CEP83: variants seen among roughly 807,000 people sequenced by gnomAD.
CEP83 encodes the protein centrosomal protein 83.
In CEP83, 70 loss-of-function variants were observed where a neutral mutation model predicts 101.9. The observed-to-expected ratio is 0.69, with a 90% CI of 0.57 to 0.84. The LOEUF is 0.84. Ranked by LOEUF, CEP83 falls within the 40% of genes least tolerant of loss-of-function variation. The probability of loss-of-function intolerance (pLI) is 0.00; values close to 1 mark genes in which losing one functional copy is unlikely to be tolerated. For missense variants in CEP83, 715 were observed against 787.2 expected (o/e 0.91, Z 1.10); for synonymous variants, 264 against 267.9 (o/e 0.99, Z 0.14).
At chr12:94,354,796 G>C (rs979463789) in intron 11 of CEP83, among the ~76,000 whole-genome samples, 1 of 152,112 alleles carries the variant, frequency 6.6e-6, no homozygotes, top group African/African-American at 2.4e-5. Context: ...AGGATCACAA[G>C]GTCAAGAGAT....
intron 11 of CEP83, among the ~76,000 whole-genome samples, chr12:94,348,960 C>T (rs2060074319): frequency 7.1e-6 from 1 of 141,524 alleles, no homozygotes; most frequent in South Asian, 2.2e-4. Context: ...AAAATGCTTC[C>T]ACAACGAGCA....
In CEP83 at chr12:94,375,503, T is replaced by G. The variant is rs367774094; in HGVS notation, c.933+383A>C. Among the ~76,000 whole-genome samples, 6 of 152,200 alleles carry G rather than the reference T, an allele frequency of 3.9e-5. No individual in the cohort carries two copies. The South Asian group carries it at 1.2e-3, about 32-fold the overall frequency. On this transcript the variant is annotated intron_variant, in intron 8 of 16. Transcript: ENST00000397809. ...CAGATCATACAGAGCTCTGAATGGG[T>G]AGAAAGCAGAAAGACCAGTTAGCAA...
At chr12:94,420,105 C>A (rs2064602663) in intron 2 of CEP83, among the ~76,000 whole-genome samples, 3 of 151,828 alleles carry the variant, frequency 2.0e-5, no homozygotes, top group Admixed American at 1.3e-4. Context: ...AAAAATTATT[C>A]ATAATATTTA....
chr12:94,347,819 T>A (rs2136712763), intron 11 of CEP83, among the ~76,000 whole-genome samples: 1 of 152,330 alleles, frequency 6.6e-6, no homozygotes, highest in Admixed American at 6.5e-5. Flanking sequence ...TAAAGAGACA[T>A]AAAGAAACTT....
At chr12:94,394,673 T>C (rs751185678) in intron 6 of CEP83, among the ~76,000 whole-genome samples, 1 of 152,060 alleles carries the variant, frequency 6.6e-6, no homozygotes, top group African/African-American at 2.4e-5. Context: ...GAAATTACCA[T>C]CAGAGTGAAC....
intron 5 of CEP83, chr12:94,402,284 A>G (rs1276153394): frequency 1.3e-5 from 2 of 152,258 alleles, no homozygotes; most frequent in Non-Finnish European, 2.9e-5. Context: ...AACTTGGAAT[A>G]TAACAATGAA....
At chr12:94,345,484 A>G (rs2059891784) in intron 11 of CEP83, among the ~76,000 whole-genome samples, 1 of 152,110 alleles carries the variant, frequency 6.6e-6, no homozygotes, top group Non-Finnish European at 1.5e-5. Flanking sequence ...CTTTGGTTAT[A>G]ATACTGGGGT....
chr12:94,274,179 A>AAAAAAAAAAAAAAAG, the CEP83 span, among the ~76,000 whole-genome samples: 1 of 149,794 alleles, frequency 6.7e-6, no homozygotes, highest in African/African-American at 2.5e-5. Context: ...AAAAAAAAAA[A>AAAAAAAAAAAAAAAG]AAAAAAAATT....
rs376181790 is a variant in CEP83, at chr12:94,335,595, T to C, written c.1413A>G (p.Leu471=). The stretch of plus-strand genomic sequence containing the variant: ...ATCTTCGCTAAAATCATACCTGTTT[T>C]AGGTCAGAATTTTCATTTTTTTCCT... ...AEKEKNENSD[L]KQQISSLQIQ... is the part of the protein sequence containing the mutation. The change falls in exon 12 of 17, where the codon CTA becomes CTG. Residue 471 remains leucine, a synonymous_variant. Coordinates refer to ENST00000397809, the MANE Select transcript of CEP83 (RefSeq NM_016122.3). The C allele has an allele frequency of 1.2e-5, 19 of 1,562,910 alleles. No individual in the cohort carries two copies. In the African/African-American group the frequency reaches 1.8e-4, roughly 15 times the overall value.
At position 94,368,154 on chromosome 12, in the gene CEP83, T is replaced by A; in HGVS notation, c.1096A>T (p.Lys366Ter). The change falls in exon 10 of 17, where the codon AAA becomes TAA. Residue 366 changes from lysine to a stop codon, truncating the protein, a stop_gained. Transcript: ENST00000397809. LOFTEE classifies it high-confidence loss of function. ...EILKAAVEHHKVLLVEKDREL... is the reference protein window; with the variant it reads ...EILKAAVEHH ...CGATCCTTTTCTACTAAGAGCACTTTGTGATGTTCAACAGCTGCTTTGAGA... is the reference window on the plus strand; with the variant it reads ...CGATCCTTTTCTACTAAGAGCACTTAGTGATGTTCAACAGCTGCTTTGAGA... 6.2e-7 allele frequency: 1 copy of A among 1,613,078 alleles called. No homozygotes were observed. The highest frequency in any genetic ancestry group is 8.5e-7 in the Non-Finnish European group (1 of 1,179,362).
chr12:94,441,932 A>G (rs942856013), intron 1 of CEP83, among the ~76,000 whole-genome samples: 4 of 151,540 alleles, frequency 2.6e-5, no homozygotes, highest in African/African-American at 9.7e-5. Context: ...AAAAAAAAAA[A>G]AAAAACTAAA....
intron 6 of CEP83, among the ~76,000 whole-genome samples, chr12:94,395,719 G>A (rs2062845356): frequency 6.6e-6 from 1 of 152,210 alleles, no homozygotes; most frequent in Non-Finnish European, 1.5e-5. Context: ...TACTCGGGAG[G>A]CTGAGGCAGG....
At chr12:94,420,636 A>C (rs2064659344) in intron 2 of CEP83, among the ~76,000 whole-genome samples, 2 of 152,030 alleles carry the variant, frequency 1.3e-5, no homozygotes. Flanking sequence ...AGTGTATTTT[A>C]TGTGTGGCCC....
chr12:94,424,364 G>A (rs1004395715), intron 2 of CEP83: 12 of 1,613,998 alleles, frequency 7.4e-6, no homozygotes, highest in Non-Finnish European at 8.5e-6. Flanking sequence ...TCCAGGGGGT[G>A]TCTTAATATA....
chr12:94,367,772 T>C, intron 11 of CEP83, 22 bp downstream of exon 11: 1 of 1,528,414 alleles, frequency 6.5e-7, no homozygotes, highest in Non-Finnish European at 8.8e-7. Context: ...TGAAAAACTT[T>C]AAATATATAT....
chr12:94,318,446 A>ACTATGT (rs1370806694), intron 14 of CEP83, among the ~76,000 whole-genome samples: 1 of 152,024 alleles, frequency 6.6e-6, no homozygotes, highest in African/African-American at 2.4e-5. Context: ...GACTTTTAAT[A>ACTATGT]CTATGTTGAA....
rs557693584 is a variant in CEP83, at chr12:94,308,953, CTA to C, written c.2002-38_2002-37del. The C allele has an allele frequency of 1.0e-3, 1,528 of 1,481,224 alleles. 2 individuals are homozygous for C. Among genetic ancestry groups the C allele is most frequent in the Non-Finnish European group, 1.3e-3 (1,346 of 1,061,734 alleles). The allele number at this position is 1,481,224 out of a possible 1,614,324, so 91.8% of individuals were successfully genotyped here. A position where few individuals can be genotyped will look rare whatever the true frequency, so the allele number is the denominator to read the frequency against. The stretch of plus-strand genomic sequence containing the variant: ...TGTAGAGAAAGCATAGCAAAAGAAA[CTA>C]TTAGAAAAACTGTTAGGTAGCAACC... On this transcript the variant is annotated intron_variant, in intron 16 of 16. Coordinates refer to ENST00000397809, the MANE Select transcript of CEP83 (RefSeq NM_016122.3).
intron 9 of CEP83, 100 bp downstream of exon 9, chr12:94,369,822 A>T (rs1228076439): frequency 1.5e-6 from 1 of 675,212 alleles, no homozygotes; most frequent in African/African-American, 1.8e-5. Flanking sequence ...AATTAAGTTG[A>T]AAATTTGGAA....
At chr12:94,301,209 ATCTG>A in the CEP83 span, 1 of 548,598 alleles carries the variant, frequency 1.8e-6, no homozygotes. Context: ...GTTATTTAAA[ATCTG>A]TCTCATTATT....
Sources: gnomAD v4.1 joint callset for allele counts (sites outside exome capture counted in the v4.1 genomes callset) on GRCh38, gnomAD v4.1.1 for gene constraint, MANE v1.5 for transcripts, NCBI Gene and HGNC (gene_info 2026-07-23, HGNC 2026-07-21) for gene names.